The following JAZF1 variants were observed in gnomAD, a reference collection of about 807,000 sequenced individuals.
JAZF1 encodes juxtaposed with another zinc finger protein 1.
A neutral mutation model predicts 26.4 loss-of-function variants in JAZF1; 8 were observed. That is an observed-to-expected ratio of 0.30 (90% CI 0.18 to 0.55). The LOEUF (loss-of-function observed/expected upper bound fraction) is 0.55, where lower values mean the gene tolerates loss of function less well. Among genes scored for constraint, JAZF1 ranks in the 20% least tolerant of loss-of-function variants. The probability of loss-of-function intolerance (pLI) is 0.94; values close to 1 mark genes in which losing one functional copy is unlikely to be tolerated. For synonymous variants in JAZF1, 126 were observed against 122.3 expected (o/e 1.03, Z -0.20); for missense variants, 199 against 322.0 (o/e 0.62, Z 2.92).
At chr7:28,167,418 T>G (rs1321415570) in intron 1 of JAZF1, among the ~76,000 whole-genome samples, 1 of 152,130 alleles carries the variant, frequency 6.6e-6, no homozygotes, top group African/African-American at 2.4e-5. Flanking sequence ...ACAGGGAGGT[T>G]CTATAACTTG....
At chr7:28,088,957 A>G (rs1784250910) in intron 1 of JAZF1, among the ~76,000 whole-genome samples, 1 of 152,226 alleles carries the variant, frequency 6.6e-6, no homozygotes, top group Non-Finnish European at 1.5e-5. Flanking sequence ...TGGACAAATC[A>G]TCAGCACTGC....
chr7:28,060,943 T>C (rs747727524), intron 1 of JAZF1, among the ~76,000 whole-genome samples: 2 of 152,206 alleles, frequency 1.3e-5, no homozygotes, highest in Non-Finnish European at 2.9e-5. Context: ...TTGAAAAAAA[T>C]CTCTTCCACT....
intron 1 of JAZF1, among the ~76,000 whole-genome samples, chr7:28,111,060 A>G (rs1367201485): frequency 6.6e-6 from 1 of 152,210 alleles, no homozygotes; most frequent in Non-Finnish European, 1.5e-5. Context: ...ACTCTGCTAC[A>G]GTAGACAACT....
chr7:28,065,423 A>G (rs1339231399), intron 1 of JAZF1, among the ~76,000 whole-genome samples: 1 of 151,994 alleles, frequency 6.6e-6, no homozygotes, highest in East Asian at 1.9e-4. Context: ...AGAAGCGGGG[A>G]GGCGCCTCAG....
chr7:28,099,906 C>T (rs1784445916), intron 1 of JAZF1, among the ~76,000 whole-genome samples: 1 of 152,226 alleles, frequency 6.6e-6, no homozygotes, highest in African/African-American at 2.4e-5. Context: ...CTATACTTGG[C>T]CTGCCTCAAC....
chr7:28,061,970 T>C (rs1365143572), intron 1 of JAZF1, among the ~76,000 whole-genome samples: 2 of 152,238 alleles, frequency 1.3e-5, no homozygotes, highest in Admixed American at 1.3e-4. Context: ...ACAAAGGATC[T>C]GGCCTAACGG....
At chr7:27,847,840 G>C (rs1047960861) in intron 3 of JAZF1, among the ~76,000 whole-genome samples, 1 of 152,000 alleles carries the variant, frequency 6.6e-6, no homozygotes, top group African/African-American at 2.4e-5. Flanking sequence ...GCTAATTTTT[G>C]TATTTTTTGT....
intron 1 of JAZF1, among the ~76,000 whole-genome samples, chr7:28,126,247 T>C (rs1422265296): frequency 6.6e-6 from 1 of 152,156 alleles, no homozygotes; most frequent in Non-Finnish European, 1.5e-5. Flanking sequence ...TATTGCACAG[T>C]TACTATTTGC....
chr7:28,128,216 T>C (rs917305487), intron 1 of JAZF1, among the ~76,000 whole-genome samples: 4 of 152,106 alleles, frequency 2.6e-5, no homozygotes, highest in African/African-American at 9.7e-5. Context: ...ATGCAACACC[T>C]GAGAACTTAC....
chr7:28,018,038 G>A (rs566618142), intron 1 of JAZF1, among the ~76,000 whole-genome samples: 5 of 152,102 alleles, frequency 3.3e-5, no homozygotes, highest in Admixed American at 3.3e-4. Context: ...TCCCAAAGTG[G>A]ATAAGCAATT....
At chr7:27,843,651 A>G (rs12700845) in intron 3 of JAZF1, 3,267 of 152,400 alleles carry the variant, frequency 0.021, 62 homozygotes, top group Non-Finnish European at 0.033. Flanking sequence ...TTAAGCTCAG[A>G]GAAGGAGCAA....
chr7:28,126,836 G>C (rs740123), intron 1 of JAZF1, among the ~76,000 whole-genome samples: 72,617 of 152,052 alleles, frequency 0.48, 19,873 homozygotes, highest in Non-Finnish European at 0.62. Flanking sequence ...AGGAAGAGAA[G>C]AGTGAGTCCA....
chr7:28,086,002 A>G (rs889811476), intron 1 of JAZF1, among the ~76,000 whole-genome samples: 6 of 152,364 alleles, frequency 3.9e-5, no homozygotes, highest in South Asian at 4.1e-4. Context: ...CCTTTATTAG[A>G]AGAGCACTGC....
At chr7:28,021,172 C>T (rs996857486) in intron 1 of JAZF1, among the ~76,000 whole-genome samples, 1 of 152,060 alleles carries the variant, frequency 6.6e-6, no homozygotes. Flanking sequence ...GGACACGGGC[C>T]GAGAGAGTTC....
At chr7:28,124,286 CAGAGG>C (rs1782663065) in intron 1 of JAZF1, among the ~76,000 whole-genome samples, 1 of 152,160 alleles carries the variant, frequency 6.6e-6, no homozygotes, top group Admixed American at 6.5e-5. Flanking sequence ...AAAGAGGCCT[CAGAGG>C]AGACCAACCC....
intron 2 of JAZF1, among the ~76,000 whole-genome samples, chr7:27,941,252 G>T (rs1784844028): frequency 6.6e-6 from 1 of 152,244 alleles, no homozygotes; most frequent in East Asian, 1.9e-4. Context: ...TCCCACTCAG[G>T]CATCTCAACA....
intron 1 of JAZF1, among the ~76,000 whole-genome samples, chr7:28,061,667 GA>G (rs1583537795): frequency 6.6e-6 from 1 of 152,186 alleles, no homozygotes; most frequent in Non-Finnish European, 1.5e-5. Context: ...AGCCTTATGA[GA>G]TAGAGCTACA....
intron 2 of JAZF1, among the ~76,000 whole-genome samples, chr7:27,943,738 G>A (rs533650420): frequency 6.6e-6 from 1 of 152,272 alleles, no homozygotes; most frequent in South Asian, 2.1e-4. Context: ...TGCTTTCTTT[G>A]ATGAGTGATG....
chr7:28,127,338 C>A (rs948017253), intron 1 of JAZF1, among the ~76,000 whole-genome samples: 1 of 152,184 alleles, frequency 6.6e-6, no homozygotes, highest in Non-Finnish European at 1.5e-5. Flanking sequence ...GGTGGGGATA[C>A]AGATGCCAGA....
Sources: gnomAD v4.1 joint callset for allele counts (sites outside exome capture counted in the v4.1 genomes callset) on GRCh38, gnomAD v4.1.1 for gene constraint, MANE v1.5 for transcripts, NCBI Gene and HGNC (gene_info 2026-07-23, HGNC 2026-07-21) for gene names.